The following TEN1 variants were observed in gnomAD, a reference collection of about 807,000 sequenced individuals.
TEN1 encodes TEN1 subunit of CST complex.
Under a neutral mutation model 9.3 loss-of-function variants are expected in TEN1, and 6 were observed. The ratio of observed to expected loss-of-function variants is 0.65; its 90% confidence interval spans 0.35 to 1.27. The LOEUF (loss-of-function observed/expected upper bound fraction) is 1.27, where lower values mean the gene tolerates loss of function less well. Among genes scored for constraint, TEN1 ranks in the 50% most tolerant of loss-of-function variants. The probability of loss-of-function intolerance (pLI) is 0.03; values close to 1 mark genes in which losing one functional copy is unlikely to be tolerated. For missense variants in TEN1, 149 were observed against 158.2 expected, an observed-to-expected ratio of 0.94 and a Z score of 0.31; for synonymous variants, 65 against 65.6, an observed-to-expected ratio of 0.99 and a Z score of 0.04.
At chr17:75,997,356 C>A (rs1367391517) in intron 3 of TEN1, among the ~76,000 whole-genome samples, 3 of 152,080 alleles carry the variant, frequency 2.0e-5, no homozygotes, top group African/African-American at 7.2e-5. Context: ...GCCACACCCC[C>A]CTCCCCGGCG....
intron 3 of TEN1, among the ~76,000 whole-genome samples, chr17:75,998,260 C>G (rs1045912396): frequency 6.6e-6 from 1 of 150,760 alleles, no homozygotes; most frequent in African/African-American, 2.4e-5. Context: ...ATCCACCTCC[C>G]CGGTTCAAGT....
intron 3 of TEN1, among the ~76,000 whole-genome samples, chr17:75,998,782 C>CCAGG (rs2066233445): frequency 6.6e-6 from 1 of 152,052 alleles, no homozygotes; most frequent in Non-Finnish European, 1.5e-5. Flanking sequence ...CGTCTGCCTC[C>CCAGG]CAGGTTCAAG....
intron 1 of TEN1, among the ~76,000 whole-genome samples, chr17:75,980,339 T>G (rs997855462): frequency 1.3e-5 from 2 of 151,168 alleles, no homozygotes; most frequent in Middle Eastern, 3.2e-3. Context: ...ACCCTGTCTC[T>G]ACAGAAAAAA....
At chr17:75,993,325 G>A (rs1226035709) in intron 3 of TEN1, among the ~76,000 whole-genome samples, 1 of 151,802 alleles carries the variant, frequency 6.6e-6, no homozygotes, top group African/African-American at 2.4e-5. Flanking sequence ...GGATGGTCTC[G>A]ATCTCTTGAC....
At position 75,979,263 on chromosome 17, in the gene TEN1, G is replaced by A; in HGVS notation, c.-255G>A. 1.3e-6 allele frequency: 1 copy of A among 765,604 alleles called. No homozygotes were observed. Among genetic ancestry groups the A allele is most frequent in the Non-Finnish European group, 2.2e-6 (1 of 464,880 alleles). The allele number at this position is 765,604 out of a possible 1,614,324, so 47.4% of individuals were successfully genotyped here. On this transcript the variant is annotated 5_prime_UTR_variant, in exon 1 of 4. Transcript: ENST00000397640. ...GCCCTTTGGCGCGTGAGTGACAGCG[G>A]CCCAGACAGAGGGGGCGATGTCCGC...
chr17:75,986,039 C>G (rs866982487), intron 1 of TEN1, 148 bp from the exon 2 acceptor site: 16 of 583,096 alleles, frequency 2.7e-5, no homozygotes, highest in African/African-American at 5.7e-5. Context: ...TCCCTCCCCC[C>G]AAAAAATTTT....
At chr17:75,997,466 G>A (rs976736393) in intron 3 of TEN1, among the ~76,000 whole-genome samples, 17 of 151,900 alleles carry the variant, frequency 1.1e-4, no homozygotes, top group African/African-American at 3.4e-4. Flanking sequence ...AGCTAGAATC[G>A]AGGCCACAGG....
intron 3 of TEN1, among the ~76,000 whole-genome samples, chr17:75,999,340 CA>C (rs1355489731): frequency 1.3e-5 from 2 of 150,284 alleles, no homozygotes; most frequent in African/African-American, 4.9e-5. Context: ...CACCCTGTCT[CA>C]AAAAAAAAAT....
chr17:75,994,770 C>T (rs529197658), intron 3 of TEN1, among the ~76,000 whole-genome samples: 1 of 152,120 alleles, frequency 6.6e-6, no homozygotes, highest in Non-Finnish European at 1.5e-5. Flanking sequence ...GCCACCGCGC[C>T]CGGCCTGTCT....
chr17:75,987,700 T>G (rs1325007854), intron 2 of TEN1, among the ~76,000 whole-genome samples: 3 of 151,898 alleles, frequency 2.0e-5, no homozygotes, highest in Admixed American at 1.3e-4. Context: ...GCGGATCACC[T>G]GAGGTCAGGA....
intron 2 of TEN1, among the ~76,000 whole-genome samples, chr17:75,989,179 A>G (rs979984511): frequency 2.0e-5 from 3 of 150,274 alleles, no homozygotes; most frequent in Admixed American, 2.0e-4. Context: ...AGCTCACTGC[A>G]AGTTCTGCCT....
At chr17:75,988,033 A>G (rs912390735) in intron 2 of TEN1, among the ~76,000 whole-genome samples, 3 of 151,770 alleles carry the variant, frequency 2.0e-5, no homozygotes, top group Non-Finnish European at 4.4e-5. Flanking sequence ...TGAGGTCAGA[A>G]GTTCAAAACC....
At chr17:75,991,766 C>G in intron 3 of TEN1, 143 bp downstream of exon 3, 2 of 1,110,198 alleles carry the variant, frequency 1.8e-6, no homozygotes, top group Admixed American at 5.7e-5. Context: ...CCCACAAGTT[C>G]AACACTCTTG....
intron 1 of TEN1, among the ~76,000 whole-genome samples, chr17:75,980,690 C>T (rs1453640285): frequency 4.6e-5 from 7 of 152,242 alleles, no homozygotes; most frequent in Non-Finnish European, 8.8e-5. Flanking sequence ...CCCAAAGCGC[C>T]GGGATTACAG....
chr17:75,989,104 T>C (rs1271101093), intron 2 of TEN1, among the ~76,000 whole-genome samples: 1 of 148,190 alleles, frequency 6.7e-6, no homozygotes, highest in African/African-American at 2.5e-5. Context: ...TTTCTTTTCT[T>C]TTTTTCTTTT....
chr17:75,986,128 T>G, intron 1 of TEN1, 59 bp from the exon 2 acceptor site: 1 of 1,314,318 alleles, frequency 7.6e-7, no homozygotes, highest in Non-Finnish European at 1.1e-6. Flanking sequence ...AATCTCTGTT[T>G]TGTAGTCTAT....
intron 1 of TEN1, among the ~76,000 whole-genome samples, chr17:75,982,485 T>C (rs1281793576): frequency 6.6e-6 from 1 of 152,224 alleles, no homozygotes; most frequent in Non-Finnish European, 1.5e-5. Flanking sequence ...TTGTCTGATA[T>C]TTCTTCATGA....
intron 1 of TEN1, among the ~76,000 whole-genome samples, chr17:75,983,477 C>CT (rs2066135053): frequency 1.3e-5 from 2 of 152,106 alleles, no homozygotes. Flanking sequence ...TACACTAGCC[C>CT]TTCATAATTG....
rs140799879 is a variant in TEN1 at position 75,980,657 on chromosome 17, T to G, written c.-7+1146T>G. Among the ~76,000 whole-genome samples the G allele has an allele frequency of 6.6e-3, 1,004 of 152,284 alleles. 6 individuals carry two copies. The highest frequency in any genetic ancestry group is 0.023 in the African/African-American group (943 of 41,558). The stretch of plus-strand genomic sequence containing the variant: ...CCAGGCTGGTCTCGAATTCCTGACC[T>G]GTTGATCCACCTGCCTCGGCCTCCC... On this transcript the variant is annotated intron_variant, in intron 1 of 3. Transcript: ENST00000397640.
Sources: allele counts gnomAD v4.1 joint callset (sites outside exome capture counted in the v4.1 genomes callset), GRCh38; gene constraint gnomAD v4.1.1; transcripts MANE v1.5; gene names NCBI Gene and HGNC (gene_info 2026-07-23, HGNC 2026-07-21).